ZNF613: variants seen among roughly 807,000 people sequenced by gnomAD.
The protein encoded by ZNF613 is zinc finger protein 613.
Under a neutral mutation model 14.3 loss-of-function variants are expected in ZNF613, and 8 were observed. That is an observed-to-expected ratio of 0.56 (90% CI 0.33 to 1.01). ZNF613 has a LOEUF of 1.01. Among genes scored for constraint, ZNF613 ranks in the 50% least tolerant of loss-of-function variants. The probability of loss-of-function intolerance (pLI) is 0.03; values close to 1 mark genes in which losing one functional copy is unlikely to be tolerated. For synonymous variants in ZNF613, 228 were observed against 254.5 expected (o/e 0.90, Z 0.99); for missense variants, 656 against 741.9 (o/e 0.88, Z 1.35).
In ZNF613 at chr19:51,929,859, C is replaced by T. The variant is rs1464283246; in HGVS notation, c.-231C>T. 6.6e-6 allele frequency: 1 copy of T among 152,070 alleles called. No individual in the cohort carries two copies. The highest frequency in any genetic ancestry group is 1.5e-5 in the Non-Finnish European group (1 of 68,002). The allele number at this position is 152,070 out of a possible 1,614,324, so 9.4% of individuals were successfully genotyped here. A position where few individuals can be genotyped will look rare whatever the true frequency, so the allele number is the denominator to read the frequency against. On this transcript the variant is annotated 5_prime_UTR_variant, in exon 2 of 6. Coordinates refer to ENST00000293471, the MANE Select transcript of ZNF613 (RefSeq NM_001031721.4). Reference sequence around the variant, plus strand: ...ACTTCACCCAGCCACATTTATCCATCTTGTAAAATATTGCTTTGTTTTTTG... The same window carrying T: ...ACTTCACCCAGCCACATTTATCCATTTTGTAAAATATTGCTTTGTTTTTTG...
chr19:51,940,803 G>T, intron 5 of ZNF613, 94 bp downstream of exon 5: 1 of 961,172 alleles, frequency 1.0e-6, no homozygotes, highest in Non-Finnish European at 1.5e-6. Context: ...ATCTGAGGCT[G>T]TGTGGACAGA....
intron 1 of ZNF613, among the ~76,000 whole-genome samples, chr19:51,929,374 C>A (rs2085245795): frequency 6.6e-6 from 1 of 151,966 alleles, no homozygotes; most frequent in African/African-American, 2.4e-5. Context: ...CTATGTTTAC[C>A]CAAACATGTT....
At chr19:51,929,168 A>G (rs2085243766) in intron 1 of ZNF613, among the ~76,000 whole-genome samples, 1 of 152,232 alleles carries the variant, frequency 6.6e-6, no homozygotes, top group South Asian at 2.1e-4. Flanking sequence ...TTAATTTTAC[A>G]TTATGAACGT....
In ZNF613 at chr19:51,936,224, A is replaced by G. The variant is rs780632100; in HGVS notation, c.4A>G (p.Ile2Val). 2 of 1,603,450 alleles carry G rather than the reference A, an allele frequency of 1.2e-6. No homozygotes were observed. The highest frequency in any genetic ancestry group is 2.7e-5 in the African/African-American group (2 of 74,642). The change falls in exon 3 of 6, where the codon ATC (isoleucine) becomes GTC (valine). Residue 2 changes from isoleucine (I) to valine (V), a missense_variant. Transcript: ENST00000293471. ...TATTTCCCAGTAACAAAAGAAAATG[A>G]TCAAGTCCCAGGTGACTTTTTGTTT... Reference protein sequence around the residue: MIKSQESLTLED... With the variant: MVKSQESLTLED...
At chr19:51,928,046 A>ATCTATCTATCTCATCTG (rs1568462507) in intron 1 of ZNF613, 15 of 87,454 alleles carry the variant, frequency 1.7e-4, no homozygotes, top group African/African-American at 8.4e-4. Context: ...AATCTGTCTA[A>ATCTATCTATCTCATCTG]TCTAATCTAT....
At chr19:51,928,570 A>G (rs1163779069) in intron 1 of ZNF613, among the ~76,000 whole-genome samples, 3 of 152,170 alleles carry the variant, frequency 2.0e-5, no homozygotes, top group Non-Finnish European at 4.4e-5. Flanking sequence ...CAAATCTAAA[A>G]TGGTAAGGTG....
At position 51,929,725 on chromosome 19, in the gene ZNF613, T is replaced by A. The variant is rs1164421710; in HGVS notation, c.-358-7T>A. 1 of 152,210 alleles carries A rather than the reference T, an allele frequency of 6.6e-6. No homozygotes were observed. Among genetic ancestry groups the A allele is most frequent in the African/African-American group, 2.4e-5 (1 of 41,454 alleles). The allele number at this position is 152,210 out of a possible 1,614,324, so 9.4% of individuals were successfully genotyped here. A position where few individuals can be genotyped will look rare whatever the true frequency, so the allele number is the denominator to read the frequency against. On this transcript the variant is annotated splice_polypyrimidine_tract_variant and splice_region_variant and intron_variant, in intron 1 of 5. Transcript: ENST00000293471. ...CATCATTAATCCACCTTTTTTTCTT[T>A]TTATAGAGATGGCATCTCACTATGT...
intron 2 of ZNF613, among the ~76,000 whole-genome samples, chr19:51,933,820 A>G (rs1048408074): frequency 6.6e-6 from 1 of 152,172 alleles, no homozygotes; most frequent in Non-Finnish European, 1.5e-5. Flanking sequence ...TTTCTTTGAG[A>G]TGGAGTCTAG....
intron 5 of ZNF613, among the ~76,000 whole-genome samples, chr19:51,941,777 C>A (rs1334747491): frequency 6.6e-6 from 1 of 152,192 alleles, no homozygotes; most frequent in Non-Finnish European, 1.5e-5. Flanking sequence ...TCCTGGCCAC[C>A]ACAGGGTTAC....
Position 51,945,945 on chromosome 19 carries a change from G to A in ZNF613, c.*208G>A. ...TGGGAAGATAGATCTTCTCATCAGT[G>A]ACCATAGATCACATCTTCAGTGAGC... On this transcript the variant is annotated 3_prime_UTR_variant, in exon 6 of 6. Coordinates refer to ENST00000293471, the MANE Select transcript of ZNF613 (RefSeq NM_001031721.4). 5.1e-6 allele frequency: 3 copies of A among 584,194 alleles called. No individual in the cohort carries two copies. Among genetic ancestry groups the A allele is most frequent in the South Asian group, 4.0e-5 (2 of 49,712 alleles). The allele number at this position is 584,194 out of a possible 1,614,324, so 36.2% of individuals were successfully genotyped here.
chr19:51,930,929 TGTTATTTTTA>T (rs2085259307), intron 2 of ZNF613, among the ~76,000 whole-genome samples: 1 of 152,150 alleles, frequency 6.6e-6, no homozygotes, highest in South Asian at 2.1e-4. Flanking sequence ...TACCAACACT[TGTTATTTTTA>T]GTTTTTTATT....
At chr19:51,939,113 A>C (rs1166514307) in intron 3 of ZNF613, among the ~76,000 whole-genome samples, 1 of 151,740 alleles carries the variant, frequency 6.6e-6, no homozygotes, top group Non-Finnish European at 1.5e-5. Context: ...GTATTTATTA[A>C]TCTGGTCTTT....
At position 51,946,038 on chromosome 19, in the gene ZNF613, CAG is replaced by C. The variant is rs760329374; in HGVS notation, c.*302_*303del. On this transcript the variant is annotated 3_prime_UTR_variant, in exon 6 of 6. Transcript: ENST00000293471. ...TCAGAAACAGTACGCCAGTAGGTATCAGGGGGTTTACACAGGAGAGAAACTTT... is the reference window on the plus strand; with the variant it reads ...TCAGAAACAGTACGCCAGTAGGTATCGGGGTTTACACAGGAGAGAAACTTT... The C allele has an allele frequency of 1.4e-5, 5 of 361,720 alleles. No homozygotes were observed. The highest frequency in any genetic ancestry group is 2.6e-5 in the Non-Finnish European group (5 of 193,794). 22.4% of individuals were successfully genotyped at this position (361,720 alleles called of 1,614,324 possible).
Position 51,945,058 on chromosome 19 carries a change from G to T in ZNF613, c.1175G>T (p.Arg392Leu), listed in dbSNP as rs373520440. Residue 392 changes from arginine to leucine, a missense_variant, in exon 6 of 6, where the codon CGA (arginine) becomes CTA (leucine). Physicochemically the swap from Arg to Leu is moderately radical, Grantham distance 102. Transcript: ENST00000293471. ...IQKGNLIVHQRIHTGEKPYIC... is the reference protein window; with the variant it reads ...IQKGNLIVHQLIHTGEKPYIC... The stretch of plus-strand genomic sequence containing the variant: ...AAGGGAAATCTCATTGTACATCAGC[G>T]AATTCATACTGGAGAAAAACCCTAT... 3 of 1,614,120 alleles carry T rather than the reference G, an allele frequency of 1.9e-6. No individual in the cohort carries two copies. The highest frequency in any genetic ancestry group is 2.5e-6 in the Non-Finnish European group (3 of 1,180,022).
chr19:51,943,246 G>C (rs965433498), intron 5 of ZNF613, among the ~76,000 whole-genome samples: 1 of 152,168 alleles, frequency 6.6e-6, no homozygotes, highest in Non-Finnish European at 1.5e-5. Flanking sequence ...GGAGTCCCCT[G>C]TTATCCACAG....
At chr19:51,942,700 ATT>A (rs61519800) in intron 5 of ZNF613, 21,363 of 139,856 alleles carry the variant, frequency 0.15, 1,894 homozygotes, top group South Asian at 0.27. Flanking sequence ...TAATGACTTG[ATT>A]TTTTTTTTTT....
intron 3 of ZNF613, among the ~76,000 whole-genome samples, chr19:51,936,967 C>A (rs2085309725): frequency 1.3e-5 from 2 of 152,154 alleles, no homozygotes; most frequent in Admixed American, 1.3e-4. Context: ...ATTTATTCAA[C>A]CATGCCTGTG....
intron 2 of ZNF613, among the ~76,000 whole-genome samples, chr19:51,932,447 G>A (rs552537580): frequency 2.5e-4 from 38 of 150,082 alleles, no homozygotes; most frequent in Non-Finnish European, 4.6e-4. Context: ...ACGGGCATGC[G>A]CCACCATGCC....
rs759852022 is a variant in ZNF613, at chr19:51,944,561, C to T, written c.678C>T (p.His226=). 1.9e-6 allele frequency: 3 copies of T among 1,613,968 alleles called. No homozygotes were observed. Among genetic ancestry groups the T allele is most frequent in the African/African-American group, 2.7e-5 (2 of 74,898 alleles). Residue 226 remains histidine, a synonymous_variant, in exon 6 of 6, where the codon CAC becomes CAT. Transcript: ENST00000293471. ...KSRLIYHQRV[H]TGEKPHGCSI... is the part of the protein sequence containing the mutation. ...GCCTCATCTATCATCAGAGAGTTCA[C>T]ACTGGGGAGAAACCTCATGGATGCA...
Sources: gnomAD v4.1 joint callset for allele counts (sites outside exome capture counted in the v4.1 genomes callset) on GRCh38, gnomAD v4.1.1 for gene constraint, MANE v1.5 for transcripts, NCBI Gene and HGNC (gene_info 2026-07-23, HGNC 2026-07-21) for gene names.